PFKFB3: variants seen among roughly 807,000 people sequenced by gnomAD.
The protein encoded by PFKFB3 is 6-phosphofructo-2-kinase/fructose-2,6-biphosphatase 3.
PFKFB3 carries 33 observed loss-of-function variants against 68.0 expected under a neutral mutation model. The observed-to-expected ratio is 0.49, with a 90% confidence interval of 0.37 to 0.65. The LOEUF is 0.65. PFKFB3 is among the 30% of genes least tolerant of loss of function. The probability of loss-of-function intolerance (pLI) is 0.00; values close to 1 mark genes in which losing one functional copy is unlikely to be tolerated. For synonymous variants in PFKFB3, 315 were observed against 288.2 expected (o/e 1.09, Z -0.94); for missense variants, 586 against 712.2 (o/e 0.82, Z 2.02).
chr10:6,307,091 G>C, the PFKFB3 span, among the ~76,000 whole-genome samples: 1 of 152,232 alleles, frequency 6.6e-6, no homozygotes, highest in African/African-American at 2.4e-5. Context: ...GACCTCCCCT[G>C]AGCAAGAGGG....
In PFKFB3 at chr10:6,221,509, G is replaced by A. The variant is rs376217797; in HGVS notation, c.960G>A (p.Ala320=). The A allele has an allele frequency of 3.7e-4, 593 of 1,613,244 alleles. 6 individuals are homozygous for A. In the South Asian group the frequency reaches 4.9e-3, roughly 13 times the overall value. ...ALRLPYEQWK[A]LNEIDAGVCE... is the part of the protein sequence containing the mutation. Reference sequence around the variant, plus strand: ...GGCTGCCCTACGAGCAGTGGAAGGCGCTCAATGAGATCGACGCGGTGAGTC... The same window carrying A: ...GGCTGCCCTACGAGCAGTGGAAGGCACTCAATGAGATCGACGCGGTGAGTC... Residue 320 remains alanine, a synonymous_variant, in exon 9 of 15, where the codon GCG becomes GCA. Transcript: ENST00000379775.
intron 5 of PFKFB3, 40 bp downstream of exon 5, chr10:6,216,820 G>A (rs1188102242): frequency 9.5e-6 from 14 of 1,473,424 alleles, no homozygotes; most frequent in Non-Finnish European, 1.2e-5. Context: ...GGGCTCGGGA[G>A]AGAGGAAAAG....
the PFKFB3 span, among the ~76,000 whole-genome samples, chr10:6,298,419 C>T: frequency 1.2e-4 from 18 of 151,262 alleles, no homozygotes; most frequent in East Asian, 2.7e-3. Context: ...GCTCTTTGCC[C>T]AGGAATTCAG....
chr10:6,165,381 A>G (rs1564592305), intron 1 of PFKFB3, among the ~76,000 whole-genome samples: 1 of 152,242 alleles, frequency 6.6e-6, no homozygotes, highest in Non-Finnish European at 1.5e-5. Flanking sequence ...TTTTCTTAGT[A>G]TAGATCAAAA....
downstream of PFKFB3, among the ~76,000 whole-genome samples, chr10:6,236,046 C>A (rs1213148559): frequency 2.6e-5 from 4 of 152,172 alleles, no homozygotes; most frequent in Non-Finnish European, 5.9e-5. Context: ...GGATTACAGG[C>A]ATGAGCCACT....
intron 1 of PFKFB3, among the ~76,000 whole-genome samples, chr10:6,207,938 G>A (rs1487599197): frequency 3.3e-5 from 5 of 152,100 alleles, no homozygotes; most frequent in Admixed American, 3.3e-4. Context: ...CCTGGGTACC[G>A]GGCTGAGTCC....
intron 1 of PFKFB3, among the ~76,000 whole-genome samples, chr10:6,188,939 A>G (rs972846231): frequency 6.8e-6 from 1 of 146,384 alleles, no homozygotes; most frequent in African/African-American, 2.6e-5. Context: ...GGTTCACGCC[A>G]TTCTCCTGCC....
At chr10:6,186,292 C>T (rs1425184519) in intron 1 of PFKFB3, among the ~76,000 whole-genome samples, 5 of 152,288 alleles carry the variant, frequency 3.3e-5, no homozygotes, top group East Asian at 1.9e-4. Flanking sequence ...ACTAATCACA[C>T]GACCACATCC....
At chr10:6,243,210 A>G (rs773981559) in intron 14 of PFKFB3, among the ~76,000 whole-genome samples, 1 of 152,232 alleles carries the variant, frequency 6.6e-6, no homozygotes, top group African/African-American at 2.4e-5. Flanking sequence ...TCATTAGAGA[A>G]AAAAAGAGAG....
At chr10:6,290,374 G>C in the PFKFB3 span, among the ~76,000 whole-genome samples, 1 of 151,916 alleles carries the variant, frequency 6.6e-6, no homozygotes, top group Non-Finnish European at 1.5e-5. Context: ...TTTGAGATAT[G>C]TCCCATCAAT....
intron 1 of PFKFB3, among the ~76,000 whole-genome samples, chr10:6,204,798 A>C (rs892424341): frequency 6.6e-6 from 1 of 152,284 alleles, no homozygotes; most frequent in Admixed American, 6.5e-5. Flanking sequence ...CAACTTTTGC[A>C]TAAAGCAAGT....
chr10:6,289,702 CA>C, the PFKFB3 span, among the ~76,000 whole-genome samples: 1 of 152,108 alleles, frequency 6.6e-6, no homozygotes, highest in Non-Finnish European at 1.5e-5. Flanking sequence ...TTTTTGGTTC[CA>C]TATGAACTTT....
At chr10:6,267,939 A>G in the PFKFB3 span, among the ~76,000 whole-genome samples, 3 of 127,670 alleles carry the variant, frequency 2.3e-5, no homozygotes, top group Non-Finnish European at 4.8e-5. Context: ...TGGGTGACAG[A>G]GCGAGACCCT....
chr10:6,244,432 C>T (rs1846209501), intron 14 of PFKFB3, among the ~76,000 whole-genome samples: 1 of 152,134 alleles, frequency 6.6e-6, no homozygotes, highest in Admixed American at 6.6e-5. Context: ...CTTGGCTGCT[C>T]ATTCTTTTTG....
the PFKFB3 span, among the ~76,000 whole-genome samples, chr10:6,310,847 T>C: frequency 9.0e-4 from 137 of 152,210 alleles, no homozygotes; most frequent in Non-Finnish European, 1.8e-3. Flanking sequence ...AAGAGATAAG[T>C]GATAGAACTA....
At chr10:6,216,833 T>C (rs2182412) in intron 5 of PFKFB3, 53 bp downstream of exon 5, 1,301,926 of 1,332,030 alleles carry the variant, frequency 0.98, 640,937 homozygotes, top group East Asian at 1. Flanking sequence ...AGGAAAAGGC[T>C]TCAGGAAGCG....
At chr10:6,190,999 G>C (rs917964695) in intron 1 of PFKFB3, among the ~76,000 whole-genome samples, 1 of 152,092 alleles carries the variant, frequency 6.6e-6, no homozygotes, top group African/African-American at 2.4e-5. Context: ...GGCTGGTCTT[G>C]AACTCCTGGG....
chr10:6,221,587 G>C lies in PFKFB3; in HGVS notation c.979-54G>C, dbSNP rs899767490. ...TCGGGCATGGGGCGGCTTCCCAAGA[G>C]GCCCTAGACACCCCTGTGGTTTGTT... On this transcript the variant is annotated intron_variant, in intron 9 of 14. Transcript: ENST00000379775. 5 of 1,610,754 alleles carry C rather than the reference G, an allele frequency of 3.1e-6. No individual in the cohort carries two copies. In the African/African-American group the frequency reaches 5.3e-5, roughly 17 times the overall value.
chr10:6,313,907 CT>C, the PFKFB3 span, among the ~76,000 whole-genome samples: 1 of 152,224 alleles, frequency 6.6e-6, no homozygotes, highest in Admixed American at 6.5e-5. This position sits in a 1 kb window ranked among gnomAD's most constrained non-coding sequence, Gnocchi z 4.2. Context: ...GGTGCTCCCC[CT>C]GCCGCTGCCT....
Sources: allele counts gnomAD v4.1 joint callset (sites outside exome capture counted in the v4.1 genomes callset), GRCh38; gene constraint gnomAD v4.1.1; non-coding constraint Gnocchi (gnomAD v3.1); transcripts MANE v1.5; gene names NCBI Gene and HGNC (gene_info 2026-07-23, HGNC 2026-07-21).